The following ZNF587 variants were observed in gnomAD, a reference collection of about 807,000 sequenced individuals.
ZNF587 encodes zinc finger protein zfp6.
Under a neutral mutation model 7.5 loss-of-function variants are expected in ZNF587, and 8 were observed. The observed-to-expected ratio is 1.06, with a 90% CI of 0.62 to 1.92. The LOEUF is 1.92. ZNF587 is among the 40% of genes most tolerant of loss of function. The pLI is 0.00. For missense variants in ZNF587, 468 were observed against 692.8 expected (o/e 0.68, Z 3.64); for synonymous variants, 145 against 237.8 (o/e 0.61, Z 3.59).
At chr19:57,852,004 C>A in intron 1 of ZNF587, 1 of 237,286 alleles carries the variant, frequency 4.2e-6, no homozygotes, top group Non-Finnish European at 8.1e-6. Context: ...GTAATGTCTG[C>A]CTTTCCCCTC....
rs752489240 is a variant in ZNF587 at position 57,860,195 on chromosome 19, G to C, written c.*55G>C. On this transcript the variant is annotated 3_prime_UTR_variant, in exon 3 of 3. Coordinates refer to ENST00000339656, the MANE Select transcript of ZNF587 (RefSeq NM_032828.4). ...AAGCATCCCGTCTCGTTAAACACAG[G>C]AGAGTTCATACTGGAGAAAGGCCTT... is the stretch of plus-strand genomic sequence containing the variant. 1.5e-4 allele frequency: 241 copies of C among 1,613,742 alleles called. No homozygotes were observed. Among genetic ancestry groups the C allele is most frequent in the Non-Finnish European group, 1.9e-4 (229 of 1,179,736 alleles).
chr19:57,853,482 A>T (rs141634571), intron 1 of ZNF587, among the ~76,000 whole-genome samples: 2,321 of 152,298 alleles, frequency 0.015, 22 homozygotes, highest in Non-Finnish European at 0.024. Context: ...GCTTCAGATT[A>T]TGGTGGTAAA....
rs1477577067 is a variant in ZNF587, at chr19:57,856,162, T to C, written c.92T>C (p.Leu31Pro). The C allele has an allele frequency of 2.5e-6, 4 of 1,613,108 alleles. No homozygotes were observed. The highest frequency in any genetic ancestry group is 3.4e-6 in the Non-Finnish European group (4 of 1,179,494). Residue 31 changes from leucine to proline, a missense_variant, in exon 2 of 3, where the codon CTT (leucine) becomes CCT (proline). Physicochemically the swap from Leu to Pro is moderately conservative, Grantham distance 98. Around this residue, in one of 5 missense-constraint regions of ZNF587, gnomAD observed 92 missense variants for 89.7 expected, o/e 1.03. Coordinates refer to ENST00000339656, the MANE Select transcript of ZNF587 (RefSeq NM_032828.4). ...AACTTTTCCCAGGAGGAGTGGTGTC[T>C]TCTTAGTGAGGCTCAGAGGTGCTTG... Reference protein sequence around the residue: ...AVNFSQEEWCLLSEAQRCLYR... With the variant: ...AVNFSQEEWCPLSEAQRCLYR...
chr19:57,854,302 G>A (rs1339724186), intron 1 of ZNF587, among the ~76,000 whole-genome samples: 1 of 151,858 alleles, frequency 6.6e-6, no homozygotes, highest in African/African-American at 2.4e-5. Flanking sequence ...GCTATCTGAA[G>A]CCATATGTGG....
chr19:57,859,520 C>T lies in ZNF587; in HGVS notation c.1108C>T (p.His370Tyr). ...SFRQKFCFINHQRVHTGERPY... is the reference protein window; with the variant it reads ...SFRQKFCFINYQRVHTGERPY... ...TCGTCAGAAGTTCTGCTTTATTAAC[C>T]ATCAGCGTGTTCACACTGGAGAAAG... The change falls in exon 3 of 3, where the codon CAT becomes TAT. Residue 370 changes from histidine to tyrosine, a missense_variant. By Grantham distance (83) the His-to-Tyr change is moderately conservative (BLOSUM62 2). This residue lies in a region of ZNF587 where 310 missense variants were observed against 325.6 expected (regional missense o/e 0.95). Transcript: ENST00000339656. 2 of 1,613,798 alleles carry T rather than the reference C, an allele frequency of 1.2e-6. No homozygotes were observed. Among genetic ancestry groups the T allele is most frequent in the Non-Finnish European group, 1.7e-6 (2 of 1,179,926 alleles).
rs1398975611 is a variant in ZNF587 at position 57,856,251 on chromosome 19, AC to A, written c.163+20del. The A allele has an allele frequency of 6.4e-7, 1 of 1,553,606 alleles. No homozygotes were observed. The highest frequency in any genetic ancestry group is 1.4e-5 in the African/African-American group (1 of 72,790). The stretch of plus-strand genomic sequence containing the variant: ...CTCGCTGGGTAAGTTGCTCACGCTC[AC>A]CTTTGTGACCTGAGCTAGTGTTACT... On this transcript the variant is annotated intron_variant, in intron 2 of 2. Coordinates refer to ENST00000339656, the MANE Select transcript of ZNF587 (RefSeq NM_032828.4).
chr19:57,858,347 G>C (rs1454667910), intron 2 of ZNF587: 3 of 736,898 alleles, frequency 4.1e-6, no homozygotes, highest in South Asian at 2.0e-5. Flanking sequence ...TGCTGGTCTT[G>C]AACTTCTGAC....
rs1484550079 is a variant in ZNF587, at chr19:57,859,507, C to A, written c.1095C>A (p.Phe365Leu). Residue 365 changes from phenylalanine to leucine, a missense_variant, in exon 3 of 3, where the codon TTC (phenylalanine) becomes TTA (leucine). Coordinates refer to ENST00000339656, the MANE Select transcript of ZNF587 (RefSeq NM_032828.4). ...GECGKSFRQK[F>L]CFINHQRVHT... is the part of the protein sequence containing the mutation. ...GTGGGAAATCTTTTCGTCAGAAGTT[C>A]TGCTTTATTAACCATCAGCGTGTTC... The A allele has an allele frequency of 6.2e-7, 1 of 1,613,318 alleles. No individual in the cohort carries two copies.
rs1469785891 is a variant in ZNF587 at position 57,864,298 on chromosome 19, T to A, written c.*4158T>A. 6.6e-6 allele frequency: 1 copy of A among 151,612 alleles called. No homozygotes were observed. The highest frequency in any genetic ancestry group is 1.5e-5 in the Non-Finnish European group (1 of 67,988). 9.4% of individuals were successfully genotyped at this position (151,612 alleles called of 1,614,324 possible). On this transcript the variant is annotated 3_prime_UTR_variant, in exon 3 of 3. Coordinates refer to ENST00000339656, the MANE Select transcript of ZNF587 (RefSeq NM_032828.4). ...ATAGGTTCCCTCCACCACGCCCAGCTAATTTTTGTATTTTTAGTAGAGATG... is the reference window on the plus strand; with the variant it reads ...ATAGGTTCCCTCCACCACGCCCAGCAAATTTTTGTATTTTTAGTAGAGATG...
At position 57,859,392 on chromosome 19, in the gene ZNF587, G is replaced by C. The variant is rs2071407409; in HGVS notation, c.980G>C (p.Arg327Thr). 6.2e-7 allele frequency: 1 copy of C among 1,608,124 alleles called. No individual in the cohort carries two copies. The highest frequency in any genetic ancestry group is 1.1e-5 in the South Asian group (1 of 91,044). The change falls in exon 3 of 3, where the codon AGA becomes ACA. Residue 327 changes from arginine (R) to threonine (T), a missense_variant. Transcript: ENST00000339656. ...VHTGEGPYECRECGKSFGQKG... is the reference protein window; with the variant it reads ...VHTGEGPYECTECGKSFGQKG... ...ACTGGAGAAGGGCCTTATGAGTGTA[G>C]AGAATGTGGGAAATCTTTTGGTCAA...
intron 1 of ZNF587, 145 bp downstream of exon 1, chr19:57,850,216 A>G (rs551403207): frequency 6.8e-7 from 1 of 1,477,098 alleles, no homozygotes; most frequent in African/African-American, 1.4e-5. Context: ...TCTCCTTGTA[A>G]CCGTCCAGTG....
chr19:57,854,270 A>G (rs1215749918), intron 1 of ZNF587, among the ~76,000 whole-genome samples: 1 of 152,040 alleles, frequency 6.6e-6, no homozygotes, highest in Admixed American at 6.6e-5. Context: ...CTGGTGCAGC[A>G]CAAAAGTGAA....
intron 1 of ZNF587, chr19:57,851,899 A>C (rs139854286): frequency 8.9e-4 from 139 of 156,014 alleles, no homozygotes; most frequent in Non-Finnish European, 1.5e-3. Context: ...TGCACTGAGA[A>C]AAGCAGGTCA....
chr19:57,850,036 C>A lies in ZNF587; in HGVS notation c.-3C>A. On this transcript the variant is annotated 5_prime_UTR_variant, in exon 1 of 3. Transcript: ENST00000339656. ...CCCGGGCCGTGCTTCCCCAAGTAGT[C>A]CGATGGCAGCGGCTGTGCCGAGGCG... 1 of 1,614,232 alleles carries A rather than the reference C, an allele frequency of 6.2e-7. No individual in the cohort carries two copies. The highest frequency in any genetic ancestry group is 1.1e-5 in the South Asian group (1 of 91,086).
intron 1 of ZNF587, chr19:57,850,398 A>C (rs2071266896): frequency 3.5e-6 from 2 of 576,100 alleles, no homozygotes; most frequent in Non-Finnish European, 6.1e-6. Context: ...TTTGGCGGGT[A>C]GGGGCTTGGG....
At chr19:57,850,107 C>A in intron 1 of ZNF587, 36 bp downstream of exon 1, 1 of 1,614,220 alleles carries the variant, frequency 6.2e-7, no homozygotes, top group Non-Finnish European at 8.5e-7. Context: ...CAGGTCACCC[C>A]ATCGTCACCC....
chr19:57,864,933 A>C lies in ZNF587; in HGVS notation c.*4793A>C, dbSNP rs908655029. ...TAGAGTGAGATCCTGCCTCAAAAAA[A>C]ACAAAAAAATTCTTTATTTTCTCCA... On this transcript the variant is annotated 3_prime_UTR_variant, in exon 3 of 3. Coordinates refer to ENST00000339656, the MANE Select transcript of ZNF587 (RefSeq NM_032828.4). 1 of 152,228 alleles carries C rather than the reference A, an allele frequency of 6.6e-6. No individual in the cohort carries two copies. Among genetic ancestry groups the C allele is most frequent in the Non-Finnish European group, 1.5e-5 (1 of 68,044 alleles). 9.4% of individuals were successfully genotyped at this position (152,228 alleles called of 1,614,324 possible).
chr19:57,855,894 C>A, intron 1 of ZNF587: 1 of 824,758 alleles, frequency 1.2e-6, no homozygotes, highest in East Asian at 2.9e-5. Context: ...GTCAGGACCT[C>A]AGCATGGATA....
Position 57,860,990 on chromosome 19 carries a change from A to C in ZNF587, c.*850A>C, listed in dbSNP as rs1292820581. On this transcript the variant is annotated 3_prime_UTR_variant, in exon 3 of 3. Transcript: ENST00000339656. ...CTTCTGCCTCAGCCTCCCGAGTAGC[A>C]GGGATTACCGGTGTGCACCACCATG... 6.6e-6 allele frequency: 1 copy of C among 151,820 alleles called. No homozygotes were observed. The highest frequency in any genetic ancestry group is 1.5e-5 in the Non-Finnish European group (1 of 67,976). 9.4% of individuals were successfully genotyped at this position (151,820 alleles called of 1,614,324 possible).
Sources: gnomAD v4.1 joint callset for allele counts (sites outside exome capture counted in the v4.1 genomes callset) on GRCh38, gnomAD v4.1.1 for gene constraint, gnomAD v4.1.1 regional missense constraint, MANE v1.5 for transcripts, NCBI Gene and HGNC (gene_info 2026-07-23, HGNC 2026-07-21) for gene names.